Variants in STPG2 observed in about 807,000 individuals in gnomAD.
The protein encoded by STPG2 is sperm-tail PG-rich repeat-containing protein 2.
Under a neutral mutation model 54.2 loss-of-function variants are expected in STPG2, and 56 were observed. The observed-to-expected ratio is 1.03, with a 90% CI of 0.83 to 1.29. The LOEUF (loss-of-function observed/expected upper bound fraction) is 1.29, where lower values mean the gene tolerates loss of function less well. STPG2 is among the 50% of genes most tolerant of loss of function. The pLI is 0.00. For synonymous variants in STPG2, 200 were observed against 181.8 expected (o/e 1.10, Z -0.81); for missense variants, 596 against 544.9 (o/e 1.09, Z -0.93).
intron 5 of STPG2, among the ~76,000 whole-genome samples, chr4:98,000,377 T>A (rs1020032247): frequency 6.6e-6 from 1 of 152,162 alleles, no homozygotes; most frequent in Non-Finnish European, 1.5e-5. Flanking sequence ...TACTTGACAC[T>A]ATCTTCTTAA....
intron 9 of STPG2, among the ~76,000 whole-genome samples, chr4:97,776,291 C>A (rs1726373584): frequency 6.6e-6 from 1 of 152,062 alleles, no homozygotes; most frequent in Non-Finnish European, 1.5e-5. Context: ...TTACAGATGA[C>A]AATATTGAAT....
chr4:97,501,180 A>G (rs1480348035), intron 4 of STPG2, among the ~76,000 whole-genome samples: 1 of 152,092 alleles, frequency 6.6e-6, no homozygotes, highest in Admixed American at 6.6e-5. Context: ...GAAAATATTT[A>G]GATCAAAATA....
intron 9 of STPG2, among the ~76,000 whole-genome samples, chr4:97,723,869 G>C (rs928617496): frequency 6.6e-6 from 1 of 152,114 alleles, no homozygotes; most frequent in Non-Finnish European, 1.5e-5. Flanking sequence ...TGGCATAAGG[G>C]AAACTGTTCC....
At chr4:98,087,086 C>T (rs533702983) in intron 5 of STPG2, among the ~76,000 whole-genome samples, 1 of 152,112 alleles carries the variant, frequency 6.6e-6, no homozygotes, top group South Asian at 2.1e-4. Flanking sequence ...GATTGTTATA[C>T]AGACACATAA....
At chr4:97,860,805 C>T (rs541730355) in intron 8 of STPG2, among the ~76,000 whole-genome samples, 1 of 152,180 alleles carries the variant, frequency 6.6e-6, no homozygotes, top group Non-Finnish European at 1.5e-5. Context: ...AAAATTTCAA[C>T]TACTATGTGG....
At chr4:97,804,852 T>C (rs778179389) in intron 9 of STPG2, among the ~76,000 whole-genome samples, 20 of 152,158 alleles carry the variant, frequency 1.3e-4, no homozygotes, top group Non-Finnish European at 2.5e-4. Context: ...TACTTGCCAT[T>C]GTGTCACAGT....
chr4:97,626,395 C>T lies in STPG2; in HGVS notation c.1321-67278G>A, dbSNP rs11934508. Among the ~76,000 whole-genome samples the T allele has an allele frequency of 8.1e-3, 1,230 of 152,252 alleles. 16 individuals are homozygous for T. The highest frequency in any genetic ancestry group is 0.028 in the African/African-American group (1,165 of 41,558). Reference sequence around the variant, plus strand: ...TCTTCAAGGCTCAAATTATTATCTCCTTTATGGAGTCTTCCTTAACTAACT... The same window carrying T: ...TCTTCAAGGCTCAAATTATTATCTCTTTTATGGAGTCTTCCTTAACTAACT... On this transcript the variant is annotated intron_variant, in intron 10 of 10. Coordinates refer to ENST00000295268, the MANE Select transcript of STPG2 (RefSeq NM_174952.3).
intron 9 of STPG2, among the ~76,000 whole-genome samples, chr4:97,785,849 A>C (rs886592433): frequency 6.6e-6 from 1 of 151,968 alleles, no homozygotes; most frequent in Non-Finnish European, 1.5e-5. Context: ...CAAAAAAAAA[A>C]CTATATGAGT....
intron 3 of STPG2, among the ~76,000 whole-genome samples, chr4:98,117,811 T>C (rs1045744652): frequency 3.3e-5 from 5 of 152,120 alleles, no homozygotes; most frequent in African/African-American, 1.2e-4. Context: ...TGCTCTCTAT[T>C]GGGTAAGGCA....
intron 9 of STPG2, among the ~76,000 whole-genome samples, chr4:97,801,574 C>T (rs1182320466): frequency 6.6e-6 from 1 of 152,120 alleles, no homozygotes; most frequent in Non-Finnish European, 1.5e-5. Flanking sequence ...AGTATTTTGG[C>T]CAATGACATG....
At chr4:97,868,477 A>C (rs2149150787) in intron 8 of STPG2, among the ~76,000 whole-genome samples, 1 of 151,948 alleles carries the variant, frequency 6.6e-6, no homozygotes, top group African/African-American at 2.4e-5. Context: ...GAGGTAGCAT[A>C]AGTTAAGATC....
At chr4:97,849,965 T>G (rs891520216) in intron 8 of STPG2, among the ~76,000 whole-genome samples, 2 of 151,916 alleles carry the variant, frequency 1.3e-5, no homozygotes, top group African/African-American at 4.8e-5. Context: ...TAAAGACACA[T>G]GCACACGTAT....
intron 8 of STPG2, among the ~76,000 whole-genome samples, chr4:97,886,313 C>T (rs553965270): frequency 3.7e-4 from 57 of 152,216 alleles, no homozygotes; most frequent in African/African-American, 1.3e-3. Flanking sequence ...GACTTTTCAA[C>T]AGTAATGCTT....
At chr4:97,957,112 T>C (rs1733701293) in intron 7 of STPG2, among the ~76,000 whole-genome samples, 1 of 62,526 alleles carries the variant, frequency 1.6e-5, no homozygotes, top group Non-Finnish European at 3.7e-5. Context: ...AATATACATG[T>C]GAAATATACA....
At chr4:97,496,705 G>A (rs1252422690) in intron 4 of STPG2, among the ~76,000 whole-genome samples, 1 of 151,768 alleles carries the variant, frequency 6.6e-6, no homozygotes, top group Non-Finnish European at 1.5e-5. Context: ...TCTGAAGGAA[G>A]TTCCCACAGA....
chr4:97,654,646 G>A (rs1022403096), intron 10 of STPG2, among the ~76,000 whole-genome samples: 9 of 151,896 alleles, frequency 5.9e-5, no homozygotes, highest in African/African-American at 1.9e-4. Context: ...TGCCACATAA[G>A]AGCAATGACT....
chr4:97,875,472 G>A (rs960695632), intron 8 of STPG2, among the ~76,000 whole-genome samples: 1 of 151,432 alleles, frequency 6.6e-6, no homozygotes, highest in African/African-American at 2.4e-5. Context: ...ATTATAGGTA[G>A]AATATACATA....
At position 97,626,790 on chromosome 4, in the gene STPG2, C is replaced by A. The variant is rs368989797; in HGVS notation, c.1321-67673G>T. 6.6e-5 allele frequency among the ~76,000 whole-genome samples: 10 copies of A among 151,288 alleles called. No homozygotes were observed. In the South Asian group the frequency reaches 2.1e-3, roughly 32 times the overall value. On this transcript the variant is annotated intron_variant, in intron 10 of 10. Transcript: ENST00000295268. ...TTGTGTTAGATTTATTTCTATGTACCGCATATTTTTTGCTATTTACATAGT... is the reference window on the plus strand; with the variant it reads ...TTGTGTTAGATTTATTTCTATGTACAGCATATTTTTTGCTATTTACATAGT...
intron 5 of STPG2, among the ~76,000 whole-genome samples, chr4:97,985,034 A>G (rs1734788884): frequency 7.1e-6 from 1 of 140,026 alleles, no homozygotes; most frequent in Admixed American, 7.0e-5. Flanking sequence ...CTATTTTCCT[A>G]TCTTTTTTAA....
Sources: gnomAD v4.1 joint callset for allele counts (sites outside exome capture counted in the v4.1 genomes callset) on GRCh38, gnomAD v4.1.1 for gene constraint, MANE v1.5 for transcripts, NCBI Gene and HGNC (gene_info 2026-07-23, HGNC 2026-07-21) for gene names.